PIP5K1B: variants seen among roughly 807,000 people sequenced by gnomAD.
The protein encoded by PIP5K1B is phosphatidylinositol-4-phosphate 5-kinase type 1 beta.
In PIP5K1B, 42 loss-of-function variants were observed where a neutral mutation model predicts 67.0. The observed-to-expected ratio is 0.63, with a 90% CI of 0.49 to 0.81. The LOEUF is 0.81. PIP5K1B is among the 30% of genes least tolerant of loss of function. PIP5K1B has a pLI of 0.00. For synonymous variants in PIP5K1B, 214 were observed against 231.4 expected (o/e 0.92, Z 0.68); for missense variants, 459 against 646.3 (o/e 0.71, Z 3.14).
intron 14 of PIP5K1B, among the ~76,000 whole-genome samples, chr9:68,976,339 G>A (rs1436347484): frequency 1.3e-5 from 2 of 152,150 alleles, no homozygotes; most frequent in Non-Finnish European, 2.9e-5. Context: ...ACCAACTAAG[G>A]CTAAGAATCA....
chr9:68,955,342 A>G (rs899065838), intron 14 of PIP5K1B, among the ~76,000 whole-genome samples: 14 of 152,262 alleles, frequency 9.2e-5, no homozygotes, highest in African/African-American at 2.7e-4. Flanking sequence ...TTGTAACAAT[A>G]ATTAGTACAT....
intron 2 of PIP5K1B, chr9:68,780,361 C>G (rs986310461): frequency 3.1e-6 from 5 of 1,612,216 alleles, no homozygotes; most frequent in Non-Finnish European, 4.2e-6. Flanking sequence ...ACAACGTTCC[C>G]GAGCCGCCAC....
chr9:68,780,719 G>A lies in PIP5K1B; in HGVS notation c.-85-37742G>A, dbSNP rs753959377. ...GCCCAACGACCCGATTTACCACCCGGAGAAGCCAGAGCCCCATCAATTGCA... is the reference window on the plus strand; with the variant it reads ...GCCCAACGACCCGATTTACCACCCGAAGAAGCCAGAGCCCCATCAATTGCA... On this transcript the variant is annotated intron_variant, in intron 2 of 15. Coordinates refer to ENST00000265382, the MANE Select transcript of PIP5K1B (RefSeq NM_003558.4). 9.9e-6 allele frequency: 16 copies of A among 1,614,202 alleles called. No homozygotes were observed. The Admixed American group carries it at 2.5e-4, about 25-fold the overall frequency.
intron 15 of PIP5K1B, among the ~76,000 whole-genome samples, chr9:69,000,258 G>A (rs904907734): frequency 4.6e-5 from 7 of 152,068 alleles, no homozygotes; most frequent in African/African-American, 1.2e-4. Flanking sequence ...CTTCACCTTC[G>A]GTCTTCCACA....
intron 14 of PIP5K1B, among the ~76,000 whole-genome samples, chr9:68,969,347 A>G (rs1246291219): frequency 7.0e-6 from 1 of 142,138 alleles, no homozygotes; most frequent in African/African-American, 2.6e-5. Flanking sequence ...CAGCCTGGGC[A>G]ACAGAGCGAG....
At chr9:68,931,096 T>TTTTAAA (rs1448640890) in intron 12 of PIP5K1B, among the ~76,000 whole-genome samples, 2 of 152,106 alleles carry the variant, frequency 1.3e-5, no homozygotes, top group Non-Finnish European at 2.9e-5. Flanking sequence ...TTTTTAACCT[T>TTTTAAA]TTTAAATCCC....
chr9:68,992,338 T>C (rs1483412962), intron 15 of PIP5K1B, among the ~76,000 whole-genome samples: 1 of 152,206 alleles, frequency 6.6e-6, no homozygotes, highest in African/African-American at 2.4e-5. Flanking sequence ...TTGCTAAACC[T>C]GAGCCAATAC....
At chr9:68,997,379 A>C (rs1479721621) in intron 15 of PIP5K1B, among the ~76,000 whole-genome samples, 3 of 152,174 alleles carry the variant, frequency 2.0e-5, no homozygotes, top group African/African-American at 7.2e-5. Flanking sequence ...CCGCTGCTTC[A>C]AGGGGTGTTT....
At chr9:68,829,419 G>T (rs1188490134) in intron 4 of PIP5K1B, among the ~76,000 whole-genome samples, 1 of 152,182 alleles carries the variant, frequency 6.6e-6, no homozygotes, top group Admixed American at 6.5e-5. Flanking sequence ...TAACCTGCTG[G>T]TTCTCAACCA....
chr9:68,921,622 G>A lies in PIP5K1B; in HGVS notation c.1117-1680G>A, dbSNP rs143565757. Among the ~76,000 whole-genome samples the A allele has an allele frequency of 7.1e-3, 1,083 of 151,994 alleles. 15 individuals are homozygous for A. Among genetic ancestry groups the A allele is most frequent in the African/African-American group, 0.024 (1,012 of 41,466 alleles). On this transcript the variant is annotated intron_variant, in intron 11 of 15. Coordinates refer to ENST00000265382, the MANE Select transcript of PIP5K1B (RefSeq NM_003558.4). Reference sequence around the variant, plus strand: ...CAACACTTTGGGGGGAGACCAAAGCGGGCGGATCACTTGAGGTCAGGAGTT... The same window carrying A: ...CAACACTTTGGGGGGAGACCAAAGCAGGCGGATCACTTGAGGTCAGGAGTT...
At chr9:68,857,959 T>TTTTTTGTTGTTGTTGTTG (rs111803123) in intron 4 of PIP5K1B, among the ~76,000 whole-genome samples, 3 of 149,306 alleles carry the variant, frequency 2.0e-5, no homozygotes, top group East Asian at 2.0e-4. Flanking sequence ...CTCTTGCTGT[T>TTTTTTGTTGTTGTTGTTG]TTGTTGTTGT....
intron 4 of PIP5K1B, among the ~76,000 whole-genome samples, chr9:68,838,213 A>G (rs978324608): frequency 7.3e-5 from 11 of 151,630 alleles, no homozygotes; most frequent in African/African-American, 2.7e-4. Context: ...TTCATGACTG[A>G]TTCTTGGGTA....
At chr9:68,881,033 C>T (rs1824177287) in intron 6 of PIP5K1B, among the ~76,000 whole-genome samples, 1 of 152,182 alleles carries the variant, frequency 6.6e-6, no homozygotes, top group African/African-American at 2.4e-5. Flanking sequence ...TAGCTCAATC[C>T]TTCATTTTAC....
chr9:68,733,324 GCTC>G (rs909715819), intron 1 of PIP5K1B, among the ~76,000 whole-genome samples: 2 of 152,114 alleles, frequency 1.3e-5, no homozygotes, highest in Non-Finnish European at 2.9e-5. Flanking sequence ...CTGGCATTGG[GCTC>G]CAAACTGCAG....
At chr9:68,764,756 C>T (rs1830351712) in intron 2 of PIP5K1B, among the ~76,000 whole-genome samples, 1 of 152,010 alleles carries the variant, frequency 6.6e-6, no homozygotes, top group Non-Finnish European at 1.5e-5. Flanking sequence ...TAAACTAAAG[C>T]TTTCCTCGTC....
intron 3 of PIP5K1B, among the ~76,000 whole-genome samples, chr9:68,821,585 G>A (rs1018264410): frequency 3.9e-5 from 6 of 152,210 alleles, no homozygotes; most frequent in Non-Finnish European, 7.3e-5. Flanking sequence ...ATTACTAAAT[G>A]TGTAATGAAA....
At chr9:68,776,817 T>C (rs1830941613) in intron 2 of PIP5K1B, among the ~76,000 whole-genome samples, 1 of 152,208 alleles carries the variant, frequency 6.6e-6, no homozygotes, top group East Asian at 1.9e-4. Flanking sequence ...GGAGGTTCCT[T>C]GGATCCTGCC....
At chr9:68,765,627 A>G (rs1026217025) in intron 2 of PIP5K1B, among the ~76,000 whole-genome samples, 1 of 152,194 alleles carries the variant, frequency 6.6e-6, no homozygotes, top group African/African-American at 2.4e-5. Context: ...TTTTGTGTTT[A>G]GAGAGATACT....
intron 14 of PIP5K1B, among the ~76,000 whole-genome samples, chr9:68,946,616 G>A (rs945773086): frequency 6.6e-6 from 1 of 151,578 alleles, no homozygotes; most frequent in Admixed American, 6.6e-5. Flanking sequence ...GGATGGTCTC[G>A]ATCTCCTGAC....
Sources: allele counts gnomAD v4.1 joint callset (sites outside exome capture counted in the v4.1 genomes callset), GRCh38; gene constraint gnomAD v4.1.1; transcripts MANE v1.5; gene names NCBI Gene and HGNC (gene_info 2026-07-23, HGNC 2026-07-21).